The following EIF3L variants were observed in gnomAD, a reference collection of about 807,000 sequenced individuals.
EIF3L encodes eIEF associated protein HSPC021.
EIF3L carries 32 observed loss-of-function variants against 74.6 expected under a neutral mutation model. The observed-to-expected ratio is 0.43, with a 90% CI of 0.32 to 0.58. The LOEUF is 0.58. Among genes scored for constraint, EIF3L ranks in the 20% least tolerant of loss-of-function variants. EIF3L has a pLI of 0.06. For missense variants in EIF3L, 474 were observed against 707.8 expected, an observed-to-expected ratio of 0.67 and a Z score of 3.75; for synonymous variants, 256 against 254.4, an observed-to-expected ratio of 1.01 and a Z score of -0.06.
At chr22:37,864,407 T>C (rs894452887) in intron 7 of EIF3L, among the ~76,000 whole-genome samples, 4 of 152,226 alleles carry the variant, frequency 2.6e-5, no homozygotes, top group African/African-American at 9.6e-5. Context: ...AACATTTTCA[T>C]CACAACAAGA....
At chr22:37,854,097 G>C (rs1161316033) in intron 3 of EIF3L, among the ~76,000 whole-genome samples, 1 of 152,234 alleles carries the variant, frequency 6.6e-6, no homozygotes, top group Admixed American at 6.5e-5. Flanking sequence ...GAGAAGAAAT[G>C]CTGGTGCCTT....
chr22:37,871,283 T>G (rs1460745820), intron 8 of EIF3L: 2 of 152,122 alleles, frequency 1.3e-5, no homozygotes, highest in East Asian at 3.9e-4. Flanking sequence ...CCAGGATTAT[T>G]GGAGAGGATT....
rs1373803070 is a variant in EIF3L, at chr22:37,851,254, CTGTATT to C, written c.83-22_83-17del. The C allele has an allele frequency of 6.2e-7, 1 of 1,604,016 alleles. No homozygotes were observed. Among genetic ancestry groups the C allele is most frequent in the East Asian group, 2.2e-5 (1 of 44,806 alleles). ...TCATATATGTGGGTTTGAGCATACT[CTGTATT>C]TGTTGTATCCAACCTCCAGGAGATC... On this transcript the variant is annotated intron_variant, in intron 2 of 12. Coordinates refer to ENST00000652021, the MANE Select transcript of EIF3L (RefSeq NM_016091.4).
At chr22:37,870,148 A>G (rs1926394680) in intron 7 of EIF3L, 28 bp from the exon 8 acceptor site, 1 of 1,567,936 alleles carries the variant, frequency 6.4e-7, no homozygotes, top group Non-Finnish European at 8.7e-7. Context: ...TTATACCACT[A>G]CTGCATGTTT....
chr22:37,869,924 C>G (rs769343369), intron 7 of EIF3L, among the ~76,000 whole-genome samples: 4 of 152,166 alleles, frequency 2.6e-5, no homozygotes, highest in Non-Finnish European at 4.4e-5. Flanking sequence ...GTTTTTACCA[C>G]AGACTACCTC....
chr22:37,875,980 T>C lies in EIF3L; in HGVS notation c.1046T>C (p.Met349Thr). 3 of 1,614,126 alleles carry C rather than the reference T, an allele frequency of 1.9e-6. No homozygotes were observed. The highest frequency in any genetic ancestry group is 1.3e-5 in the African/African-American group (1 of 75,030). The change falls in exon 10 of 13, where the codon ATG becomes ACG. Residue 349 changes from methionine (M) to threonine (T), a missense_variant. By Grantham distance (81) the Met-to-Thr change is moderately conservative. Coordinates refer to ENST00000652021, the MANE Select transcript of EIF3L (RefSeq NM_016091.4). ...ILLYIQRTKS[M>T]FQRTTYKYEM... ...CTCTACATCCAGAGGACCAAGAGCA[T>C]GTTCCAGAGGACCACGTACAAGTAT... is the stretch of plus-strand genomic sequence containing the variant.
intron 7 of EIF3L, among the ~76,000 whole-genome samples, chr22:37,868,568 C>T (rs1258062668): frequency 6.6e-6 from 1 of 151,196 alleles, no homozygotes; most frequent in Admixed American, 6.6e-5. Context: ...ATTCTCCTGC[C>T]TCAGCCTCCC....
chr22:37,886,648 C>A, intron 11 of EIF3L, 117 bp from the exon 12 acceptor site: 2 of 707,014 alleles, frequency 2.8e-6, no homozygotes, highest in Non-Finnish European at 4.6e-6. Flanking sequence ...GTCTTTTCCC[C>A]ACCTTTACAT....
chr22:37,861,757 A>T (rs1925870316), intron 5 of EIF3L, among the ~76,000 whole-genome samples: 1 of 152,212 alleles, frequency 6.6e-6, no homozygotes, highest in African/African-American at 2.4e-5. Flanking sequence ...TATGCTAAGA[A>T]TCTAGCCATT....
chr22:37,867,841 G>C (rs1453600065), intron 7 of EIF3L, among the ~76,000 whole-genome samples: 1 of 150,810 alleles, frequency 6.6e-6, no homozygotes, highest in South Asian at 2.1e-4. Context: ...TGTAGTCCCA[G>C]CTACTCAGGA....
At chr22:37,863,103 C>CTTTT in intron 6 of EIF3L, 65 bp downstream of exon 6, 13 of 1,025,550 alleles carry the variant, frequency 1.3e-5, no homozygotes, top group Admixed American at 6.2e-5. Flanking sequence ...TGGCCTCCAG[C>CTTTT]TTTTTTTTTT....
intron 11 of EIF3L, chr22:37,885,821 C>T (rs2145846833): frequency 6.6e-6 from 1 of 151,784 alleles, no homozygotes; most frequent in African/African-American, 2.4e-5. Flanking sequence ...GTCTTGAATT[C>T]CCAACCTCCC....
intron 10 of EIF3L, chr22:37,877,386 CTG>C (rs1391083665): frequency 7.0e-5 from 25 of 359,214 alleles, no homozygotes; most frequent in Non-Finnish European, 1.3e-4. Context: ...TCGATCCTAA[CTG>C]TGTAAAAGGA....
intron 11 of EIF3L, chr22:37,882,445 G>C (rs1927096290): frequency 6.6e-6 from 1 of 152,026 alleles, no homozygotes; most frequent in Non-Finnish European, 1.5e-5. Flanking sequence ...AGGCCAAGGT[G>C]GGTAGATCAT....
At chr22:37,866,958 A>G (rs951650391) in intron 7 of EIF3L, among the ~76,000 whole-genome samples, 2 of 152,184 alleles carry the variant, frequency 1.3e-5, no homozygotes, top group African/African-American at 2.4e-5. Context: ...ATTATAATAA[A>G]TAGTAATATA....
At chr22:37,854,721 C>T (rs2413490) in intron 3 of EIF3L, among the ~76,000 whole-genome samples, 87,694 of 152,084 alleles carry the variant, frequency 0.58, 25,683 homozygotes, top group East Asian at 0.86. Flanking sequence ...CCCGCCTCAG[C>T]CTCCCAAAGT....
intron 9 of EIF3L, among the ~76,000 whole-genome samples, chr22:37,875,239 A>AT (rs1257108594): frequency 2.0e-5 from 3 of 151,408 alleles, no homozygotes; most frequent in African/African-American, 7.3e-5. Context: ...CTAGCTGGGT[A>AT]TGGTGGTGGG....
chr22:37,877,605 C>T, intron 10 of EIF3L, 69 bp from the exon 11 acceptor site: 1 of 1,517,000 alleles, frequency 6.6e-7, no homozygotes, highest in East Asian at 2.3e-5. Flanking sequence ...ATGGTGAGGC[C>T]AGTTGGCAGT....
intron 11 of EIF3L, chr22:37,882,089 C>G (rs1385093344): frequency 6.6e-6 from 1 of 151,856 alleles, no homozygotes; most frequent in African/African-American, 2.4e-5. Context: ...GGTGGATCAC[C>G]TGAGGTCAGG....
Sources: gnomAD v4.1 joint callset for allele counts (sites outside exome capture counted in the v4.1 genomes callset) on GRCh38, gnomAD v4.1.1 for gene constraint, MANE v1.5 for transcripts, NCBI Gene and HGNC (gene_info 2026-07-23, HGNC 2026-07-21) for gene names.